PANK2: variants seen among roughly 807,000 people sequenced by gnomAD.
PANK2 encodes the protein pantothenate kinase 2, mitochondrial.
Under a neutral mutation model 43.1 loss-of-function variants are expected in PANK2, and 36 were observed. That is an observed-to-expected ratio of 0.84 (90% CI 0.64 to 1.10). PANK2 has a LOEUF of 1.10. PANK2 is among the 50% of genes least tolerant of loss of function. The pLI is 0.00. For missense variants in PANK2, 576 were observed against 593.3 expected (o/e 0.97, Z 0.30); for synonymous variants, 281 against 238.2 (o/e 1.18, Z -1.66).
chr20:3,913,790 ATTTTTT>A (rs57042549), intron 4 of PANK2, among the ~76,000 whole-genome samples: 1,754 of 138,460 alleles, frequency 0.013, 37 homozygotes, highest in African/African-American at 0.041. Context: ...ATATATATAT[ATTTTTT>A]TTTTTTTTTT....
intron 4 of PANK2, among the ~76,000 whole-genome samples, chr20:3,914,090 G>GC (rs1415495337): frequency 6.6e-6 from 1 of 151,634 alleles, no homozygotes; most frequent in East Asian, 1.9e-4. Context: ...CGCCTGGCCT[G>GC]CACATATATT....
intron 2 of PANK2, among the ~76,000 whole-genome samples, chr20:3,910,299 T>TTTTTTTTTTG (rs1247971290): frequency 2.6e-5 from 4 of 150,986 alleles, no homozygotes; most frequent in Admixed American, 1.3e-4. Context: ...GCTGTGGTTT[T>TTTTTTTTTTG]TTTTTTTTGT....
chr20:3,910,721 C>G lies in PANK2; in HGVS notation c.796C>G (p.Pro266Ala). ...TGATTCTGAAAAGTGTCAGAAGTTA[C>G]CATTTGATTTGAAAAATCCGTATCC... Residue 266 changes from proline to alanine, a missense_variant, in exon 3 of 7, where the codon CCA (proline) becomes GCA (alanine). Around this residue, in one of 2 missense-constraint regions of PANK2, gnomAD observed 544 missense variants for 528.9 expected, o/e 1.03. Transcript: ENST00000610179. The G allele has an allele frequency of 1.2e-6, 2 of 1,614,128 alleles. No individual in the cohort carries two copies. Among genetic ancestry groups the G allele is most frequent in the Middle Eastern group, 1.6e-4 (1 of 6,062 alleles).
Position 3,927,393 on chromosome 20 carries a change from T to C in PANK2, c.*4099T>C, listed in dbSNP as rs1484818734. 3 of 152,190 alleles carry C rather than the reference T, an allele frequency of 2.0e-5. No homozygotes were observed. Among genetic ancestry groups the C allele is most frequent in the Non-Finnish European group, 4.4e-5 (3 of 68,024 alleles). The allele number at this position is 152,190 out of a possible 1,614,324, so 9.4% of individuals were successfully genotyped here. ...TTGAGGAGTGATTAGCAAAATGCAT[T>C]AAAATTTTAAAATAGCAATTAAATA... is the stretch of plus-strand genomic sequence containing the variant. On this transcript the variant is annotated 3_prime_UTR_variant, in exon 7 of 7. Coordinates refer to ENST00000610179, the MANE Select transcript of PANK2 (RefSeq NM_001386393.1).
intron 4 of PANK2, among the ~76,000 whole-genome samples, chr20:3,913,901 G>T (rs1295947114): frequency 1.3e-5 from 2 of 150,804 alleles, no homozygotes; most frequent in Non-Finnish European, 2.9e-5. Context: ...CCATTCTTCT[G>T]CTTCAGCCTT....
intron 1 of PANK2, among the ~76,000 whole-genome samples, chr20:3,893,034 T>G (rs2146816833): frequency 6.6e-6 from 1 of 152,358 alleles, no homozygotes; most frequent in East Asian, 1.9e-4. Context: ...GATGGTAATG[T>G]AGCTACCATT....
At chr20:3,889,829 C>CT (rs1600478861) in intron 1 of PANK2, 101 bp downstream of exon 1, 1 of 1,538,024 alleles carries the variant, frequency 6.5e-7, no homozygotes, top group African/African-American at 1.4e-5. Context: ...CGCGCGGACA[C>CT]TGTCCCCGCA....
rs1174956411 is a variant in PANK2 at position 3,900,961 on chromosome 20, G to A, written c.299-6965G>A. Reference sequence around the variant, plus strand: ...TTTTTCTATTTTTAGTAGAGATGGGGGTTTCACGATGTTGGCCAGGCTGGT... The same window carrying A: ...TTTTTCTATTTTTAGTAGAGATGGGAGTTTCACGATGTTGGCCAGGCTGGT... On this transcript the variant is annotated intron_variant, in intron 1 of 6. Transcript: ENST00000610179. Among the ~76,000 whole-genome samples the A allele has an allele frequency of 4.6e-5, 7 of 151,744 alleles. No homozygotes were observed. In the East Asian group the frequency reaches 9.7e-4, roughly 21 times the overall value.
rs1419201660 is a variant in PANK2 at position 3,889,700 on chromosome 20, C to T, written c.270C>T (p.Arg90=). 3.1e-6 allele frequency: 5 copies of T among 1,596,178 alleles called. No individual in the cohort carries two copies. In the East Asian group the frequency reaches 8.9e-5, roughly 28 times the overall value. The change falls in exon 1 of 7, where the codon CGC becomes CGT. Residue 90 remains arginine, a synonymous_variant. Coordinates refer to ENST00000610179, the MANE Select transcript of PANK2 (RefSeq NM_001386393.1). ...GCCCCACCTCGGTCTCCCGCCAGCG[C>T]GTCGAAAGCCTGAGGAAAAAGCGGC...
Position 3,893,935 on chromosome 20 carries a change from T to G in PANK2, c.298+4207T>G, listed in dbSNP as rs866325769. On this transcript the variant is annotated intron_variant, in intron 1 of 6. Transcript: ENST00000610179. ...TTTTTTTTTTGTTTGTTTTTTGTTTTTTTTTTTTTTTTTTTAGAGGAGTTT... is the reference window on the plus strand; with the variant it reads ...TTTTTTTTTTGTTTGTTTTTTGTTTGTTTTTTTTTTTTTTTAGAGGAGTTT... 8.3e-3 allele frequency among the ~76,000 whole-genome samples: 1,229 copies of G among 147,676 alleles called. 27 individuals are homozygous for G. Among genetic ancestry groups the G allele is most frequent in the African/African-American group, 0.029 (1,167 of 40,188 alleles).
intron 4 of PANK2, 40 bp downstream of exon 4, chr20:3,912,674 G>A (rs769141574): frequency 1.7e-5 from 28 of 1,608,482 alleles, no homozygotes; most frequent in African/African-American, 1.1e-4. Flanking sequence ...CAGGCGGGCC[G>A]GGCGCGGTGG....
chr20:3,907,904 CTTAT>C lies in PANK2; in HGVS notation c.299-19_299-16del. The C allele has an allele frequency of 6.2e-7, 1 of 1,605,180 alleles. No homozygotes were observed. Among genetic ancestry groups the C allele is most frequent in the Non-Finnish European group, 8.5e-7 (1 of 1,172,016 alleles). ...AATTTTCAGAAAAAAGCTGTTCTGA[CTTAT>C]TTTTCTTCCCCATTTAGTTTTTCCA... On this transcript the variant is annotated intron_variant, in intron 1 of 6. Transcript: ENST00000610179.
At chr20:3,896,416 G>A (rs1236233930) in intron 1 of PANK2, among the ~76,000 whole-genome samples, 2 of 151,962 alleles carry the variant, frequency 1.3e-5, no homozygotes, top group Admixed American at 1.3e-4. Flanking sequence ...GTGTGATGTT[G>A]TGAAATATAT....
intron 1 of PANK2, 64 bp from the exon 2 acceptor site, chr20:3,907,862 G>C (rs556983951): frequency 7.1e-7 from 1 of 1,408,956 alleles, no homozygotes; most frequent in African/African-American, 1.4e-5. Flanking sequence ...AGTTGCTACT[G>C]TGGTAAGGGT....
chr20:3,899,921 G>C (rs915026260), intron 1 of PANK2, among the ~76,000 whole-genome samples: 19 of 151,430 alleles, frequency 1.3e-4, no homozygotes, highest in Non-Finnish European at 2.1e-4. Flanking sequence ...TCACAGGATG[G>C]TCTCGATCTC....
At chr20:3,891,352 G>A (rs138185572) in intron 1 of PANK2, 1 of 152,262 alleles carries the variant, frequency 6.6e-6, no homozygotes, top group South Asian at 2.1e-4. Context: ...GAGCCATTGT[G>A]CCCGACCTGG....
In PANK2 at chr20:3,927,456, A is replaced by G. The variant is rs1194978094; in HGVS notation, c.*4162A>G. On this transcript the variant is annotated 3_prime_UTR_variant, in exon 7 of 7. Coordinates refer to ENST00000610179, the MANE Select transcript of PANK2 (RefSeq NM_001386393.1). The stretch of plus-strand genomic sequence containing the variant: ...GCTTACAAAAAACTGCGAATGTTTA[A>G]AAATATTCTGCTGCAGAATTTTTAG... 6.6e-6 allele frequency: 1 copy of G among 152,240 alleles called. No individual in the cohort carries two copies. Among genetic ancestry groups the G allele is most frequent in the Non-Finnish European group, 1.5e-5 (1 of 68,038 alleles). 9.4% of individuals were successfully genotyped at this position (152,240 alleles called of 1,614,324 possible).
At chr20:3,917,173 C>CTAAAACAA in intron 5 of PANK2, 123 bp downstream of exon 5, 2 of 1,290,796 alleles carry the variant, frequency 1.5e-6, no homozygotes, top group Non-Finnish European at 2.2e-6. Flanking sequence ...TTTGTTTTAG[C>CTAAAACAA]ACGAAGTTAA....
chr20:3,912,398 A>G (rs528045840), intron 3 of PANK2, 60 bp from the exon 4 acceptor site: 6 of 1,567,334 alleles, frequency 3.8e-6, no homozygotes, highest in Non-Finnish European at 5.3e-6. Flanking sequence ...CATAAATGTT[A>G]ACTTCTTGTT....
Sources: gnomAD v4.1 joint callset for allele counts (sites outside exome capture counted in the v4.1 genomes callset) on GRCh38, gnomAD v4.1.1 for gene constraint, gnomAD v4.1.1 regional missense constraint, MANE v1.5 for transcripts, NCBI Gene and HGNC (gene_info 2026-07-23, HGNC 2026-07-21) for gene names.